ADGRL1: variants seen among roughly 807,000 people sequenced by gnomAD.
ADGRL1 encodes the protein CIRL-1.
In ADGRL1, 31 loss-of-function variants were observed where a neutral mutation model predicts 148.9. That is an observed-to-expected ratio of 0.21 (90% confidence interval 0.16 to 0.28). The LOEUF (loss-of-function observed/expected upper bound fraction) is 0.28, where lower values mean the gene tolerates loss of function less well. ADGRL1 is among the 10% of genes least tolerant of loss of function. ADGRL1 has a pLI of 1.00. For missense variants in ADGRL1, 1,521 were observed against 2,058.8 expected, an observed-to-expected ratio of 0.74 and a Z score of 5.05; for synonymous variants, 937 against 900.3, an observed-to-expected ratio of 1.04 and a Z score of -0.73.
rs774198733 is a variant in ADGRL1, at chr19:14,159,896, G to A, written c.1801-123C>T. 9.6e-7 allele frequency: 1 copy of A among 1,040,814 alleles called. No homozygotes were observed. The highest frequency in any genetic ancestry group is 1.5e-6 in the Non-Finnish European group (1 of 673,298). 64.5% of individuals were successfully genotyped at this position (1,040,814 alleles called of 1,614,324 possible). On this transcript the variant is annotated intron_variant, in intron 8 of 22. Transcript: ENST00000361434. The surrounding 1 kb of genome is among the most constrained non-coding windows in gnomAD (Gnocchi z 6.0). ...CCACTGACCCAGGGCTGGGCTATCA[G>A]CAAGACATTCCTCAGGGATCCCCAA...
chr19:14,199,113 G>A (rs535964537), intron 1 of ADGRL1, among the ~76,000 whole-genome samples: 12 of 152,172 alleles, frequency 7.9e-5, no homozygotes, highest in Non-Finnish European at 1.6e-4. Context: ...AGAGGCCTCC[G>A]GCATAGCGCC....
At chr19:14,202,903 C>A (rs1972708672) in intron 1 of ADGRL1, among the ~76,000 whole-genome samples, 1 of 152,080 alleles carries the variant, frequency 6.6e-6, no homozygotes, top group African/African-American at 2.4e-5. Flanking sequence ...GCCACATGCA[C>A]CCTTGGCTAG....
chr19:14,199,589 C>G lies in ADGRL1; in HGVS notation c.-96+6396G>C, dbSNP rs2145166678. On this transcript the variant is annotated intron_variant, in intron 1 of 22. Transcript: ENST00000361434. ...ACAGGGCGTGTGCCACCGTGCCCAG[C>G]TAATTTTTAATTTTTTTGTAGAAAT... Among the ~76,000 whole-genome samples, 3 of 152,066 alleles carry G rather than the reference C, an allele frequency of 2.0e-5. No homozygotes were observed. The South Asian group carries it at 6.2e-4, about 32-fold the overall frequency.
Position 14,183,659 on chromosome 19 carries a change from C to G in ADGRL1, c.-57G>C, listed in dbSNP as rs181374787. 4,005 of 1,463,002 alleles carry G rather than the reference C, an allele frequency of 2.7e-3. 5 individuals carry two copies. The highest frequency in any genetic ancestry group is 3.4e-3 in the Non-Finnish European group (3,640 of 1,073,544). The allele number at this position is 1,463,002 out of a possible 1,614,324, so 90.6% of individuals were successfully genotyped here. ...AGTGGCCTGTGCGGGGGGCTTTGCC[C>G]CACATCACCTGGCAGGCACCACGGC... is the stretch of plus-strand genomic sequence containing the variant. On this transcript the variant is annotated 5_prime_UTR_variant, in exon 2 of 23. Coordinates refer to ENST00000361434, the MANE Select transcript of ADGRL1 (RefSeq NM_014921.5).
At position 14,163,129 on chromosome 19, in the gene ADGRL1, G is replaced by A; in HGVS notation, c.672C>T (p.Arg224=). Reference sequence around the variant, plus strand: ...GGTCATACTTGACGATGTTGCGCGTGCGCTCCTTGTTGTAGAAGACGGCAC... The same window carrying A: ...GGTCATACTTGACGATGTTGCGCGTACGCTCCTTGTTGTAGAAGACGGCAC... The part of the protein sequence containing the change: ...YDGAVFYNKE[R]TRNIVKYDLR... The change falls in exon 5 of 23, where the codon CGC becomes CGT. Residue 224 remains arginine, a synonymous_variant. Coordinates refer to ENST00000361434, the MANE Select transcript of ADGRL1 (RefSeq NM_014921.5). The A allele has an allele frequency of 6.2e-7, 1 of 1,614,100 alleles. No individual in the cohort carries two copies. The highest frequency in any genetic ancestry group is 8.5e-7 in the Non-Finnish European group (1 of 1,180,038).
chr19:14,203,762 A>G (rs1012145269), intron 1 of ADGRL1, among the ~76,000 whole-genome samples: 68 of 152,108 alleles, frequency 4.5e-4, no homozygotes, highest in African/African-American at 1.6e-3. Flanking sequence ...CATCCTCCCC[A>G]AGCCTGGGCG....
intron 1 of ADGRL1, among the ~76,000 whole-genome samples, chr19:14,184,646 A>ATTTTTTTTTTTTT (rs368698858): frequency 1.0e-5 from 1 of 97,732 alleles, no homozygotes; most frequent in Non-Finnish European, 2.0e-5. Flanking sequence ...TTATTTATTT[A>ATTTTTTTTTTTTT]TTTTTTTTTC....
rs140179899 is a variant in ADGRL1 at position 14,152,406 on chromosome 19, G to A, written c.3552C>T (p.Pro1184=). The A allele has an allele frequency of 3.1e-5, 49 of 1,601,324 alleles. No individual in the cohort carries two copies. Among genetic ancestry groups the A allele is most frequent in the African/African-American group, 1.7e-4 (13 of 74,712 alleles). ...TGGTGCCCCCACGGGGCTGCAGCAC[G>A]GGGTTGGTCAGCAGGTGGTTCCCCA... The part of the protein sequence containing the change: ...GTMGNHLLTN[P]VLQPRGGTSP... Residue 1184 remains proline, a synonymous_variant, in exon 21 of 23, where the codon CCC becomes CCT. Coordinates refer to ENST00000361434, the MANE Select transcript of ADGRL1 (RefSeq NM_014921.5). The surrounding 1 kb of genome is among the most constrained non-coding windows in gnomAD (Gnocchi z 6.1).
intron 16 of ADGRL1, 83 bp downstream of exon 16, chr19:14,156,568 GGGGGGGT>G (rs1365688310): frequency 8.5e-6 from 7 of 825,286 alleles, no homozygotes; most frequent in Non-Finnish European, 1.3e-5. Flanking sequence ...TGTGTGTGTG[GGGGGGGT>G]GGGGGGCGGG....
Position 14,160,433 on chromosome 19 carries a change from C to T in ADGRL1, c.1615-136G>A, listed in dbSNP as rs1305352011. ...CATCGCCATCTGCCCCTTCCCACCC[C>T]ATCTGTCCCTGCTCCCTTTGTAGGC... On this transcript the variant is annotated intron_variant, in intron 7 of 22. Coordinates refer to ENST00000361434, the MANE Select transcript of ADGRL1 (RefSeq NM_014921.5). The surrounding 1 kb of genome is among the most constrained non-coding windows in gnomAD (Gnocchi z 5.9). 2 of 950,192 alleles carry T rather than the reference C, an allele frequency of 2.1e-6. No individual in the cohort carries two copies. The highest frequency in any genetic ancestry group is 1.7e-5 in the South Asian group (1 of 59,086). The allele number at this position is 950,192 out of a possible 1,614,324, so 58.9% of individuals were successfully genotyped here.
intron 1 of ADGRL1, among the ~76,000 whole-genome samples, chr19:14,185,814 A>C (rs1177777475): frequency 2.0e-5 from 3 of 152,196 alleles, no homozygotes; most frequent in Non-Finnish European, 4.4e-5. Context: ...TGGCCCAGTT[A>C]GCTCCCTGAC....
intron 16 of ADGRL1, 136 bp from the exon 17 acceptor site, chr19:14,156,337 G>C: frequency 1.4e-6 from 1 of 712,292 alleles, no homozygotes; most frequent in East Asian, 2.7e-5. Flanking sequence ...ACCTGCCCCT[G>C]AGGTGCCCGC....
chr19:14,172,951 T>A (rs1333647624), intron 3 of ADGRL1, among the ~76,000 whole-genome samples: 1 of 152,154 alleles, frequency 6.6e-6, no homozygotes, highest in Non-Finnish European at 1.5e-5. Flanking sequence ...TCACTGTGCC[T>A]AACGTATTTT....
In ADGRL1 at chr19:14,162,519, G is replaced by A. The variant is rs1969500688; in HGVS notation, c.1195+87C>T. ...CGATCCCCAAGAGCTCACAGGATGGGGCTCCCCACTCTGGGACCCAGGGGT... is the reference window on the plus strand; with the variant it reads ...CGATCCCCAAGAGCTCACAGGATGGAGCTCCCCACTCTGGGACCCAGGGGT... On this transcript the variant is annotated intron_variant, in intron 5 of 22. Transcript: ENST00000361434. The surrounding 1 kb of genome is among the most constrained non-coding windows in gnomAD (Gnocchi z 5.4). 8.3e-6 allele frequency: 10 copies of A among 1,205,636 alleles called. No individual in the cohort carries two copies. The highest frequency in any genetic ancestry group is 1.1e-5 in the Non-Finnish European group (9 of 846,936). 74.7% of individuals were successfully genotyped at this position (1,205,636 alleles called of 1,614,324 possible).
chr19:14,155,176 C>G lies in ADGRL1; in HGVS notation c.3294+183G>C, dbSNP rs1968595353. ...GAACCCTCTTCACCCGTGGTTAAAC[C>G]CTCCCTAACCCTGAGCTCGTGCTCC... On this transcript the variant is annotated intron_variant, in intron 18 of 22. Transcript: ENST00000361434. The surrounding 1 kb of genome is among the most constrained non-coding windows in gnomAD (Gnocchi z 5.0). 1.2e-5 allele frequency: 7 copies of G among 586,592 alleles called. No homozygotes were observed. The highest frequency in any genetic ancestry group is 1.7e-5 in the Non-Finnish European group (6 of 342,902). 36.3% of individuals were successfully genotyped at this position (586,592 alleles called of 1,614,324 possible).
At chr19:14,179,290 T>A (rs547339671) in intron 2 of ADGRL1, among the ~76,000 whole-genome samples, 2 of 151,948 alleles carry the variant, frequency 1.3e-5, no homozygotes, top group East Asian at 3.9e-4. Flanking sequence ...GTGAGGTGAT[T>A]GAGACCATCC....
intron 1 of ADGRL1, among the ~76,000 whole-genome samples, chr19:14,198,509 C>A (rs955269010): frequency 6.6e-6 from 1 of 152,134 alleles, no homozygotes; most frequent in African/African-American, 2.4e-5. Context: ...TCCCTTCCTG[C>A]CAACTATGGC....
rs1192695460 is a variant in ADGRL1 at position 14,160,354 on chromosome 19, C to T, written c.1615-57G>A. Reference sequence around the variant, plus strand: ...CCAGGACTGTCAGGGACCATCCTGCCCTCCCCGGCTTCCCTGGCCTGTGCA... The same window carrying T: ...CCAGGACTGTCAGGGACCATCCTGCTCTCCCCGGCTTCCCTGGCCTGTGCA... On this transcript the variant is annotated intron_variant, in intron 7 of 22. Transcript: ENST00000361434. This position sits in a 1 kb window ranked among gnomAD's most constrained non-coding sequence, Gnocchi z 5.9. 2.7e-6 allele frequency: 4 copies of T among 1,494,500 alleles called. No homozygotes were observed. The East Asian group carries it at 9.2e-5, about 34-fold the overall frequency. 92.6% of individuals were successfully genotyped at this position (1,494,500 alleles called of 1,614,324 possible).
chr19:14,182,555 T>C (rs1414679822), intron 2 of ADGRL1, among the ~76,000 whole-genome samples: 1 of 152,138 alleles, frequency 6.6e-6, no homozygotes, highest in Non-Finnish European at 1.5e-5. Flanking sequence ...TTGGGGTTTT[T>C]TGGGGTGAGT....
Sources: allele counts gnomAD v4.1 joint callset (sites outside exome capture counted in the v4.1 genomes callset), GRCh38; gene constraint gnomAD v4.1.1; non-coding constraint Gnocchi (gnomAD v3.1); transcripts MANE v1.5; gene names NCBI Gene and HGNC (gene_info 2026-07-23, HGNC 2026-07-21).